The following POLDIP3 variants were observed in gnomAD, a reference collection of about 807,000 sequenced individuals.
The protein encoded by POLDIP3 is polymerase delta-interacting protein 3.
POLDIP3 carries 14 observed loss-of-function variants against 45.1 expected under a neutral mutation model. The observed-to-expected ratio is 0.31, with a 90% CI of 0.20 to 0.49. POLDIP3 has a LOEUF of 0.49. Ranked by LOEUF, POLDIP3 falls within the 20% of genes least tolerant of loss-of-function variation. The pLI, the probability that POLDIP3 is intolerant of heterozygous loss-of-function variation, is 0.99. For missense variants in POLDIP3, 511 were observed against 538.8 expected, an observed-to-expected ratio of 0.95 and a Z score of 0.51; for synonymous variants, 223 against 205.2, an observed-to-expected ratio of 1.09 and a Z score of -0.74.
At chr22:42,592,105 T>C (rs762938707) in intron 6 of POLDIP3, 21 bp from the exon 7 acceptor site, 6 of 1,613,688 alleles carry the variant, frequency 3.7e-6, no homozygotes, top group Non-Finnish European at 5.1e-6. Flanking sequence ...CAAGAGGGGT[T>C]GGGATTGGGG....
In POLDIP3 at chr22:42,605,956, A is replaced by G. The variant is rs138769474; in HGVS notation, c.60-2796T>C. ...GAGGTGTTCAAGACCTGCCTGGCCA[A>G]CATGGTGAAACCCCGTCCCTACTAA... On this transcript the variant is annotated intron_variant, in intron 1 of 8. Coordinates refer to ENST00000252115, the MANE Select transcript of POLDIP3 (RefSeq NM_032311.5). 2.7e-3 allele frequency among the ~76,000 whole-genome samples: 404 copies of G among 152,178 alleles called. 4 individuals are homozygous for G. The highest frequency in any genetic ancestry group is 9.1e-3 in the African/African-American group (378 of 41,518).
intron 5 of POLDIP3, 107 bp from the exon 6 acceptor site, chr22:42,595,721 T>C (rs1322578361): frequency 2.0e-6 from 2 of 998,294 alleles, no homozygotes; most frequent in Non-Finnish European, 1.6e-6. Flanking sequence ...GAAAGCTCCA[T>C]GGAGAGTTAC....
At chr22:42,610,077 G>C (rs1927028773) in intron 1 of POLDIP3, among the ~76,000 whole-genome samples, 2 of 152,112 alleles carry the variant, frequency 1.3e-5, no homozygotes, top group Non-Finnish European at 2.9e-5. Flanking sequence ...AGGAGGCTGA[G>C]GCAGGAGAAT....
chr22:42,614,686 G>T, intron 1 of POLDIP3, 113 bp downstream of exon 1: 1 of 1,214,554 alleles, frequency 8.2e-7, no homozygotes, highest in Non-Finnish European at 1.2e-6. Context: ...CGCGGCTGTG[G>T]TCGGGGGCGG....
chr22:42,602,088 A>G, intron 2 of POLDIP3, 32 bp from the exon 3 acceptor site: 1 of 1,613,906 alleles, frequency 6.2e-7, no homozygotes, highest in Non-Finnish European at 8.5e-7. Context: ...AATCCACCCC[A>G]CAGGGTCCAC....
Position 42,602,021 on chromosome 22 carries a change from G to C in POLDIP3, c.486C>G (p.Pro162=). 6.2e-7 allele frequency: 1 copy of C among 1,614,148 alleles called. No homozygotes were observed. The highest frequency in any genetic ancestry group is 8.5e-7 in the Non-Finnish European group (1 of 1,180,014). The part of the protein sequence containing the change: ...PQQKAMAPLH[P]HPAGMRINVV... Reference sequence around the variant, plus strand: ...CATTGATTCTCATTCCGGCAGGATGGGGATGAAGTGGTGCCATGGCTTTCT... The same window carrying C: ...CATTGATTCTCATTCCGGCAGGATGCGGATGAAGTGGTGCCATGGCTTTCT... The change falls in exon 3 of 9, where the codon CCC becomes CCG. Residue 162 remains proline, a synonymous_variant. Transcript: ENST00000252115.
intron 7 of POLDIP3, 55 bp from the exon 8 acceptor site, chr22:42,587,627 A>G (rs1374476021): frequency 1.5e-5 from 23 of 1,498,828 alleles, no homozygotes; most frequent in Non-Finnish European, 1.7e-5. Flanking sequence ...CTCCTCACAC[A>G]AGAGGACAAG....
intron 4 of POLDIP3, chr22:42,597,592 C>A: frequency 2.4e-6 from 1 of 412,216 alleles, no homozygotes; most frequent in Non-Finnish European, 5.0e-6. Context: ...ATCAACAGTA[C>A]CCATCTCACA....
At chr22:42,599,618 A>C in intron 4 of POLDIP3, 80 bp downstream of exon 4, 1 of 1,118,364 alleles carries the variant, frequency 8.9e-7, no homozygotes, top group Non-Finnish European at 1.3e-6. Flanking sequence ...AAAACAAAAA[A>C]AACAACAGGT....
chr22:42,592,426 C>T (rs968888424), intron 6 of POLDIP3, among the ~76,000 whole-genome samples: 1 of 152,220 alleles, frequency 6.6e-6, no homozygotes, highest in Non-Finnish European at 1.5e-5. Context: ...TACATGTATA[C>T]AAAGAAAGAC....
In POLDIP3 at chr22:42,595,632, G is replaced by A; in HGVS notation, c.814-18C>T. ...AGAACAGGCTGCCACACAGACAAGA[G>A]CATTACCAGAAGCCAGATGGCTGAT... On this transcript the variant is annotated intron_variant, in intron 5 of 8. Transcript: ENST00000252115. 6.2e-7 allele frequency: 1 copy of A among 1,611,340 alleles called. No individual in the cohort carries two copies. Among genetic ancestry groups the A allele is most frequent in the South Asian group, 1.1e-5 (1 of 90,984 alleles).
chr22:42,586,629 G>C (rs1352018548), intron 8 of POLDIP3, among the ~76,000 whole-genome samples: 13 of 152,202 alleles, frequency 8.5e-5, no homozygotes, highest in Admixed American at 8.5e-4. Context: ...AAACTTATTA[G>C]GTTACAAAAC....
intron 1 of POLDIP3, among the ~76,000 whole-genome samples, chr22:42,614,254 G>A (rs1002540638): frequency 3.9e-5 from 6 of 152,194 alleles, no homozygotes; most frequent in African/African-American, 1.4e-4. Context: ...ATTAAATGAG[G>A]CATCGTGTAT....
chr22:42,585,800 G>A lies in POLDIP3; in HGVS notation c.1257C>T (p.Ile419=). 1.2e-6 allele frequency: 2 copies of A among 1,611,792 alleles called. No individual in the cohort carries two copies. The highest frequency in any genetic ancestry group is 8.5e-7 in the Non-Finnish European group (1 of 1,179,624). The change falls in exon 9 of 9, where the codon ATC becomes ATT. Residue 419 remains isoleucine, a synonymous_variant. Coordinates refer to ENST00000252115, the MANE Select transcript of POLDIP3 (RefSeq NM_032311.5). The stretch of plus-strand genomic sequence containing the variant: ...TGCCTCACTCCCCTGCTCAAAGCTT[G>A]ATTTTGAATTCTGTGGGCTGCGTGG... The part of the protein sequence containing the change: ...SVTTQPTEFK[I]KL
intron 2 of POLDIP3, 67 bp downstream of exon 2, chr22:42,602,703 C>T: frequency 6.6e-7 from 1 of 1,516,690 alleles, no homozygotes; most frequent in Non-Finnish European, 8.8e-7. Context: ...TCACTCCTGG[C>T]ACCTTGCCTC....
intron 3 of POLDIP3, among the ~76,000 whole-genome samples, chr22:42,601,322 G>C (rs1926354092): frequency 6.7e-6 from 1 of 150,124 alleles, no homozygotes; most frequent in Non-Finnish European, 1.5e-5. Context: ...AGACCTGCCT[G>C]GGCAATATAG....
chr22:42,609,328 G>GC (rs1453845165), intron 1 of POLDIP3, among the ~76,000 whole-genome samples: 2 of 152,322 alleles, frequency 1.3e-5, no homozygotes, highest in East Asian at 3.9e-4. Flanking sequence ...CTACAGCTCT[G>GC]CAACTGCTTC....
At position 42,584,769 on chromosome 22, in the gene POLDIP3, A is replaced by G. The variant is rs1045740585; in HGVS notation, c.*1022T>C. The G allele has an allele frequency of 5.2e-6, 2 of 385,594 alleles. No homozygotes were observed. The highest frequency in any genetic ancestry group is 4.2e-5 in the African/African-American group (2 of 47,482). 23.9% of individuals were successfully genotyped at this position (385,594 alleles called of 1,614,324 possible). ...GGATGGGGTCACTCACATAAGTGGG[A>G]ACAAACAGTGCCCCTTGGTGGCAGC... On this transcript the variant is annotated 3_prime_UTR_variant, in exon 9 of 9. Transcript: ENST00000252115.
At chr22:42,586,444 C>G (rs576070705) in intron 8 of POLDIP3, among the ~76,000 whole-genome samples, 1 of 152,092 alleles carries the variant, frequency 6.6e-6, no homozygotes, top group Admixed American at 6.6e-5. Context: ...CCTCCCACCT[C>G]GGCCCCCCAA....
Sources: allele counts gnomAD v4.1 joint callset (sites outside exome capture counted in the v4.1 genomes callset), GRCh38; gene constraint gnomAD v4.1.1; transcripts MANE v1.5; gene names NCBI Gene and HGNC (gene_info 2026-07-23, HGNC 2026-07-21).